Variants in LAMA3 observed in about 807,000 individuals in gnomAD.
LAMA3 encodes laminin subunit alpha-3.
A neutral mutation model predicts 402.0 loss-of-function variants in LAMA3; 281 were observed. That is an observed-to-expected ratio of 0.70 (90% CI 0.63 to 0.77). LAMA3 has a LOEUF of 0.77. Ranked by LOEUF, LAMA3 falls within the 30% of genes least tolerant of loss-of-function variation. The pLI is 0.00. For synonymous variants in LAMA3, 1,431 were observed against 1,558.4 expected, an observed-to-expected ratio of 0.92 and a Z score of 1.93; for missense variants, 3,840 against 4,215.5, an observed-to-expected ratio of 0.91 and a Z score of 2.47.
At position 23,871,649 on chromosome 18, in the gene LAMA3, T is replaced by G; in HGVS notation, c.4986T>G (p.Gly1662=). The change falls in exon 38 of 75, where the codon GGT becomes GGG. Residue 1662 remains glycine (G), a synonymous_variant. Coordinates refer to ENST00000313654, the MANE Select transcript of LAMA3 (RefSeq NM_198129.4). ...GTGCCTGCCCCCCTGCCTACGCTGGTGACTCTTGTCAGGTAGGAAGTTTTC... is the reference window on the plus strand; with the variant it reads ...GTGCCTGCCCCCCTGCCTACGCTGGGGACTCTTGTCAGGTAGGAAGTTTTC... ...EICACPPAYA[G]DSCQGCSPGY... 1 of 1,606,356 alleles carries G rather than the reference T, an allele frequency of 6.2e-7. No homozygotes were observed.
intron 8 of LAMA3, among the ~76,000 whole-genome samples, chr18:23,768,595 A>G (rs1012951442): frequency 4.6e-5 from 7 of 152,232 alleles, no homozygotes; most frequent in African/African-American, 1.7e-4. Flanking sequence ...AGATTTCTCA[A>G]AGAAAACAAA....
rs1384836761 is a variant in LAMA3, at chr18:23,946,253, A to C, written c.9320A>C (p.Tyr3107Ser). ...ACCATCAGCATCAGAGCGCCAGTTT[A>C]CCTGGGATCACCTCCATCAGGGAAA... is the stretch of plus-strand genomic sequence containing the variant. ...NSTISIRAPV[Y>S]LGSPPSGKPK... Residue 3107 changes from tyrosine to serine, a missense_variant, in exon 70 of 75, where the codon TAC becomes TCC. By Grantham distance (144) the Tyr-to-Ser change is moderately radical. This residue lies in a region of LAMA3 where 840 missense variants were observed against 981.9 expected (regional missense o/e 0.86). Coordinates refer to ENST00000313654, the MANE Select transcript of LAMA3 (RefSeq NM_198129.4). 6 of 1,614,052 alleles carry C rather than the reference A, an allele frequency of 3.7e-6. No homozygotes were observed. Among genetic ancestry groups the C allele is most frequent in the Non-Finnish European group, 5.1e-6 (6 of 1,180,038 alleles).
At chr18:23,903,555 G>C (rs1411636672) in intron 49 of LAMA3, among the ~76,000 whole-genome samples, 1 of 152,082 alleles carries the variant, frequency 6.6e-6, no homozygotes, top group African/African-American at 2.4e-5. Context: ...TGCATAACGT[G>C]CAGGTTAGTT....
chr18:23,764,759 C>A (rs1026436672), intron 8 of LAMA3, among the ~76,000 whole-genome samples: 1 of 152,006 alleles, frequency 6.6e-6, no homozygotes, highest in Non-Finnish European at 1.5e-5. Flanking sequence ...ATAAAATTTA[C>A]CATTTTAACC....
chr18:23,846,589 G>T (rs2063822082), intron 31 of LAMA3, 81 bp downstream of exon 31: 2 of 1,294,632 alleles, frequency 1.5e-6, no homozygotes, highest in South Asian at 2.5e-5. Context: ...TTCTTCAGTG[G>T]CACTGTGCTA....
intron 35 of LAMA3, among the ~76,000 whole-genome samples, chr18:23,862,623 C>T (rs548262705): frequency 6.6e-6 from 1 of 152,302 alleles, no homozygotes; most frequent in Admixed American, 6.5e-5. Context: ...TCCCACTTCT[C>T]TTTCACTTAA....
intron 19 of LAMA3, 75 bp downstream of exon 19, chr18:23,820,072 CT>C: frequency 1.4e-6 from 2 of 1,432,370 alleles, no homozygotes; most frequent in Non-Finnish European, 9.8e-7. Flanking sequence ...AGGGAGCCCC[CT>C]GAAAGGTGAC....
intron 1 of LAMA3, among the ~76,000 whole-genome samples, chr18:23,711,595 A>T (rs1323264495): frequency 2.6e-5 from 4 of 152,248 alleles, no homozygotes; most frequent in Non-Finnish European, 4.4e-5. Flanking sequence ...AGAGAGTTAC[A>T]GGGTAGTGTT....
chr18:23,824,796 CA>C lies in LAMA3; in HGVS notation c.2571+239del, dbSNP rs1179984293. On this transcript the variant is annotated intron_variant, in intron 21 of 74. Transcript: ENST00000313654. ...ATCCTTTCAGCTAGCTTCTCTTGGA[CA>C]AAAAAAATAAAAGATAAAAAAGGTC... Among the ~76,000 whole-genome samples, 11 of 151,590 alleles carry C rather than the reference CA, an allele frequency of 7.3e-5. 1 individual carries two copies. Among genetic ancestry groups the C allele is most frequent in the Non-Finnish European group, 1.3e-4 (9 of 67,896 alleles).
At chr18:23,953,619 G>C (rs930814042) in intron 74 of LAMA3, among the ~76,000 whole-genome samples, 7 of 151,978 alleles carry the variant, frequency 4.6e-5, no homozygotes, top group African/African-American at 1.7e-4. Context: ...TGGGATTACA[G>C]GTGTGAGCCA....
At chr18:23,704,737 G>A (rs944952398) in intron 1 of LAMA3, among the ~76,000 whole-genome samples, 20 of 152,140 alleles carry the variant, frequency 1.3e-4, no homozygotes, top group Non-Finnish European at 1.9e-4. Flanking sequence ...TGGATAAGTT[G>A]AATAAATGAA....
intron 24 of LAMA3, among the ~76,000 whole-genome samples, chr18:23,835,568 A>G (rs898598204): frequency 6.6e-6 from 1 of 152,182 alleles, no homozygotes; most frequent in African/African-American, 2.4e-5. Context: ...GAAACACAGG[A>G]CAGCATGGTT....
chr18:23,746,545 C>T (rs774687970), intron 2 of LAMA3, among the ~76,000 whole-genome samples: 1 of 152,098 alleles, frequency 6.6e-6, no homozygotes, highest in African/African-American at 2.4e-5. Flanking sequence ...ACTCAGCGAG[C>T]TTAACAAAAA....
At chr18:23,912,605 A>G in intron 55 of LAMA3, 106 bp from the exon 56 acceptor site, 1 of 905,250 alleles carries the variant, frequency 1.1e-6, no homozygotes, top group Non-Finnish European at 1.8e-6. Flanking sequence ...TATCATAACA[A>G]CTCAGGAAAG....
chr18:23,787,153 G>A (rs2062560628), intron 12 of LAMA3, among the ~76,000 whole-genome samples: 1 of 152,036 alleles, frequency 6.6e-6, no homozygotes, highest in Admixed American at 6.6e-5. Flanking sequence ...ATGGTGGCAG[G>A]CGCCTGTAAT....
rs551870684 is a variant in LAMA3, at chr18:23,792,049, G to A, written c.1603+7892G>A. On this transcript the variant is annotated intron_variant, in intron 12 of 74. Transcript: ENST00000313654. ...CAGAGGCCTATTTTATGACACTTTC[G>A]ACTCTCACACTCAAAGGATTATGAA... Among the ~76,000 whole-genome samples, 32 of 152,114 alleles carry A rather than the reference G, an allele frequency of 2.1e-4. 3 individuals are homozygous for A. In the South Asian group the frequency reaches 3.9e-3, roughly 19 times the overall value.
chr18:23,690,581 C>T (rs1303532845), intron 1 of LAMA3, among the ~76,000 whole-genome samples: 3 of 152,150 alleles, frequency 2.0e-5, no homozygotes, highest in African/African-American at 7.2e-5. Flanking sequence ...CGCGAACACC[C>T]GGGGCAAACG....
At position 23,898,773 on chromosome 18, in the gene LAMA3, T is replaced by A; in HGVS notation, c.5649T>A (p.Asn1883Lys). Residue 1883 changes from asparagine (N) to lysine (K), a missense_variant, in exon 45 of 75, where the codon AAT (asparagine) becomes AAA (lysine). Physicochemically the swap from Asn to Lys is moderately conservative, Grantham distance 94 (BLOSUM62 0). This residue lies in a region of LAMA3 where 891 missense variants were observed against 857.5 expected (regional missense o/e 1.04). Coordinates refer to ENST00000313654, the MANE Select transcript of LAMA3 (RefSeq NM_198129.4). ...TCAACTACCGTTCTGCCATTTCAAA[T>A]CATGGATCAAAAATAGAAGGCCTGG... ...QLLNYRSAIS[N>K]HGSKIEGLER... 1 of 1,611,656 alleles carries A rather than the reference T, an allele frequency of 6.2e-7. No homozygotes were observed. The highest frequency in any genetic ancestry group is 8.5e-7 in the Non-Finnish European group (1 of 1,177,806).
intron 29 of LAMA3, among the ~76,000 whole-genome samples, 179 bp downstream of exon 29, chr18:23,842,929 C>A (rs2063737001): frequency 6.6e-6 from 1 of 152,170 alleles, no homozygotes; most frequent in Non-Finnish European, 1.5e-5. Flanking sequence ...AAGCATGTGA[C>A]AATTAAAGTC....
Sources: allele counts gnomAD v4.1 joint callset (sites outside exome capture counted in the v4.1 genomes callset), GRCh38; gene constraint gnomAD v4.1.1; regional missense constraint gnomAD v4.1.1; transcripts MANE v1.5; gene names NCBI Gene and HGNC (gene_info 2026-07-23, HGNC 2026-07-21).